The following C7orf57 variants were observed in gnomAD, a reference collection of about 807,000 sequenced individuals.
The protein encoded by C7orf57 is chromosome 7 open reading frame 57, also known as uncharacterized protein C7orf57.
In C7orf57, 33 loss-of-function variants were observed where a neutral mutation model predicts 39.0. The observed-to-expected ratio is 0.85, with a 90% CI of 0.64 to 1.13. The LOEUF (loss-of-function observed/expected upper bound fraction) is 1.13, where lower values mean the gene tolerates loss of function less well. Ranked by LOEUF, C7orf57 falls within the 50% of genes most tolerant of loss-of-function variation. The pLI, the probability that C7orf57 is intolerant of heterozygous loss-of-function variation, is 0.00. For synonymous variants in C7orf57, 124 were observed against 137.1 expected (o/e 0.90, Z 0.67); for missense variants, 346 against 362.3 (o/e 0.95, Z 0.37).
intron 2 of C7orf57, 82 bp downstream of exon 2, chr7:48,036,445 T>C: frequency 7.6e-7 from 1 of 1,318,432 alleles, no homozygotes; most frequent in Non-Finnish European, 1.0e-6. Context: ...GGACCCAACG[T>C]CCTCTATGTG....
chr7:48,051,827 C>CT (rs775948457), intron 6 of C7orf57, among the ~76,000 whole-genome samples: 1 of 38,732 alleles, frequency 2.6e-5, no homozygotes, highest in African/African-American at 1.3e-4. Context: ...CTCTTTCTTT[C>CT]TTTCTTTCTT....
Position 48,036,283 on chromosome 7 carries a change from T to G in C7orf57, c.-26T>G. 3 of 1,567,942 alleles carry G rather than the reference T, an allele frequency of 1.9e-6. No homozygotes were observed. The South Asian group carries it at 3.5e-5, about 18-fold the overall frequency. On this transcript the variant is annotated 5_prime_UTR_variant, in exon 2 of 9. Coordinates refer to ENST00000348904, the MANE Select transcript of C7orf57 (RefSeq NM_001100159.3). ...ACACCAGGTCCGGCAGCATCTGTCT[T>G]TTCCCGCAGCGTGCAGCGCCTGACC...
chr7:48,054,879 T>G (rs12534257), intron 8 of C7orf57, among the ~76,000 whole-genome samples: 48,422 of 151,040 alleles, frequency 0.32, 8,439 homozygotes, highest in Middle Eastern at 0.56. Context: ...TTATTATTAT[T>G]ATTATTATTT....
intron 5 of C7orf57, among the ~76,000 whole-genome samples, chr7:48,047,853 C>A (rs1481464997): frequency 1.3e-5 from 2 of 152,120 alleles, no homozygotes; most frequent in African/African-American, 4.8e-5. Context: ...CAGGTGCATA[C>A]TACCGTAGAC....
chr7:48,054,496 G>T, intron 7 of C7orf57, 99 bp from the exon 8 acceptor site: 16 of 861,120 alleles, frequency 1.9e-5, no homozygotes, highest in East Asian at 3.6e-5. Flanking sequence ...GTTGTTTTAA[G>T]TAATACAGAA....
At chr7:48,041,681 T>C in intron 3 of C7orf57, 162 bp downstream of exon 3, 1 of 473,030 alleles carries the variant, frequency 2.1e-6, no homozygotes, top group Non-Finnish European at 3.6e-6. Flanking sequence ...GAGCATGATC[T>C]CCAGGGATGA....
At chr7:48,050,843 A>G (rs13237763) in intron 6 of C7orf57, among the ~76,000 whole-genome samples, 24 of 151,708 alleles carry the variant, frequency 1.6e-4, no homozygotes, top group South Asian at 2.1e-4. Flanking sequence ...CTAATTTTTT[A>G]TTTTTTGTAG....
chr7:48,051,865 TTCTTTC>T lies in C7orf57; in HGVS notation c.606-821_606-816del, dbSNP rs1186157037. 6.5e-4 allele frequency among the ~76,000 whole-genome samples: 47 copies of T among 72,338 alleles called. 6 individuals carry two copies. The highest frequency in any genetic ancestry group is 6.5e-3 in the Middle Eastern group (1 of 154). The allele number at this position is 72,338 out of a possible 152,430, so 47.5% of individuals were successfully genotyped here. A position where few individuals can be genotyped will look rare whatever the true frequency, so the allele number is the denominator to read the frequency against. ...TTTCTTTCTTTCTTTCTTTCTTTCT[TTCTTTC>T]TCTTTCTCTTTCTTTCTTTCCTTCC... On this transcript the variant is annotated intron_variant, in intron 6 of 8. Coordinates refer to ENST00000348904, the MANE Select transcript of C7orf57 (RefSeq NM_001100159.3).
intron 5 of C7orf57, among the ~76,000 whole-genome samples, chr7:48,047,966 G>C (rs1033589552): frequency 6.6e-6 from 1 of 152,076 alleles, no homozygotes; most frequent in Admixed American, 6.6e-5. Flanking sequence ...ATGAACCTTT[G>C]GATATTAACC....
chr7:48,043,086 C>T (rs1467253222), intron 3 of C7orf57, among the ~76,000 whole-genome samples: 1 of 152,132 alleles, frequency 6.6e-6, no homozygotes, highest in Non-Finnish European at 1.5e-5. Flanking sequence ...CCGTCCTATG[C>T]TAGGAGAACG....
At position 48,049,961 on chromosome 7, in the gene C7orf57, C is replaced by G; in HGVS notation, c.589C>G (p.Leu197Val). ...CCCTAAGAATCCTGCAGGAAGTAGA[C>G]TCTCCTTCCCCCCCGTGTAAGTGCT... Reference protein sequence around the residue: ...LGPKNPAGSRLSFPPVPGQKN... With the variant: ...LGPKNPAGSRVSFPPVPGQKN... Residue 197 changes from leucine to valine, a missense_variant, in exon 6 of 9, where the codon CTC becomes GTC. Coordinates refer to ENST00000348904, the MANE Select transcript of C7orf57 (RefSeq NM_001100159.3). 6.2e-7 allele frequency: 1 copy of G among 1,610,838 alleles called. No individual in the cohort carries two copies. Among genetic ancestry groups the G allele is most frequent in the Non-Finnish European group, 8.5e-7 (1 of 1,177,136 alleles).
Position 48,049,861 on chromosome 7 carries a change from T to G in C7orf57, c.508-19T>G. On this transcript the variant is annotated intron_variant, in intron 5 of 8. Coordinates refer to ENST00000348904, the MANE Select transcript of C7orf57 (RefSeq NM_001100159.3). ...AATGCTTTCCACTAACTCAAGGTTT[T>G]GTGTGTTTCCTCACACAGCTGAGGC... 6.2e-7 allele frequency: 1 copy of G among 1,605,522 alleles called. No individual in the cohort carries two copies. The highest frequency in any genetic ancestry group is 1.1e-5 in the South Asian group (1 of 90,496).
rs768646082 is a variant in C7orf57, at chr7:48,046,532, T to C, written c.423T>C (p.Tyr141=). ...EFNPDQANGS[Y]ASRRGPFDFD... ...ACCCCGATCAAGCCAATGGTAGCTATGCATCCAGAAGAGGGCCCTTCGACT... is the reference window on the plus strand; with the variant it reads ...ACCCCGATCAAGCCAATGGTAGCTACGCATCCAGAAGAGGGCCCTTCGACT... Residue 141 remains tyrosine, a synonymous_variant, in exon 5 of 9, where the codon TAT becomes TAC. Coordinates refer to ENST00000348904, the MANE Select transcript of C7orf57 (RefSeq NM_001100159.3). The C allele has an allele frequency of 6.2e-7, 1 of 1,613,938 alleles. No homozygotes were observed. The highest frequency in any genetic ancestry group is 8.5e-7 in the Non-Finnish European group (1 of 1,179,874).
In C7orf57 at chr7:48,046,725, G is replaced by C. The variant is rs957133168; in HGVS notation, c.507+109G>C. Reference sequence around the variant, plus strand: ...CTGGTGGCGTCTTATGTTGCTCGTGGCATCGGCCACGTGCTCTGTATTTTA... The same window carrying C: ...CTGGTGGCGTCTTATGTTGCTCGTGCCATCGGCCACGTGCTCTGTATTTTA... On this transcript the variant is annotated intron_variant, in intron 5 of 8. Transcript: ENST00000348904. The C allele has an allele frequency of 8.2e-6, 10 of 1,220,350 alleles. 1 individual carries two copies. The highest frequency in any genetic ancestry group is 3.1e-5 in the South Asian group (2 of 64,844). The allele number at this position is 1,220,350 out of a possible 1,614,324, so 75.6% of individuals were successfully genotyped here.
At chr7:48,051,806 C>T (rs1400785961) in intron 6 of C7orf57, among the ~76,000 whole-genome samples, 2 of 68,108 alleles carry the variant, frequency 2.9e-5, no homozygotes, top group African/African-American at 6.8e-5. Flanking sequence ...TTCCTTCCTT[C>T]CTTTTCTCTT....
intron 4 of C7orf57, among the ~76,000 whole-genome samples, chr7:48,045,567 C>T (rs141130281): frequency 2.8e-3 from 423 of 152,318 alleles, no homozygotes; most frequent in African/African-American, 9.3e-3. Context: ...CAGTACCCCA[C>T]GCCTCGACCT....
At chr7:48,045,256 T>C (rs148643105) in intron 4 of C7orf57, among the ~76,000 whole-genome samples, 1 of 151,552 alleles carries the variant, frequency 6.6e-6, no homozygotes, top group East Asian at 1.9e-4. Context: ...CCAGGAGCTA[T>C]AACTTAACAT....
At position 48,043,541 on chromosome 7, in the gene C7orf57, C is replaced by T. The variant is rs1042011281; in HGVS notation, c.302C>T (p.Pro101Leu). The change falls in exon 4 of 9, where the codon CCA becomes CTA. Residue 101 changes from proline (P) to leucine (L), a missense_variant. By Grantham distance (98) the Pro-to-Leu change is moderately conservative. Transcript: ENST00000348904. The part of the protein sequence containing the change: ...RKGSPVAYSL[P>L]DWYIHHSKPP... ...GGCTCTCCAGTGGCCTACTCCCTGC[C>T]AGACTGGTATATCCACCACAGCAAG... 6.2e-7 allele frequency: 1 copy of T among 1,613,938 alleles called. No homozygotes were observed. The highest frequency in any genetic ancestry group is 8.5e-7 in the Non-Finnish European group (1 of 1,179,876).
In C7orf57 at chr7:48,058,632, TAAA is replaced by T. The variant is rs932933624; in HGVS notation, c.842-1591_842-1589del. Among the ~76,000 whole-genome samples the T allele has an allele frequency of 6.9e-4, 105 of 152,172 alleles. 1 individual carries two copies. Among genetic ancestry groups the T allele is most frequent in the Non-Finnish European group, 1.3e-4 (9 of 68,022 alleles). ...AAATATTTGTCAATTTTGTTTATAATAAAAATACTACTCTAACATTTTTTATCT... is the reference window on the plus strand; with the variant it reads ...AAATATTTGTCAATTTTGTTTATAATAATACTACTCTAACATTTTTTATCT... On this transcript the variant is annotated intron_variant, in intron 8 of 8. Coordinates refer to ENST00000348904, the MANE Select transcript of C7orf57 (RefSeq NM_001100159.3).
Sources: gnomAD v4.1 joint callset for allele counts (sites outside exome capture counted in the v4.1 genomes callset) on GRCh38, gnomAD v4.1.1 for gene constraint, MANE v1.5 for transcripts, NCBI Gene and HGNC (gene_info 2026-07-23, HGNC 2026-07-21) for gene names.